KANSL1: variants seen among roughly 807,000 people sequenced by gnomAD.
KANSL1 encodes MLL1/MLL complex subunit KANSL1.
KANSL1 carries 22 observed loss-of-function variants against 103.6 expected under a neutral mutation model. The observed-to-expected ratio is 0.21, with a 90% CI of 0.15 to 0.30. The LOEUF is 0.30. Among genes scored for constraint, KANSL1 ranks in the 10% least tolerant of loss-of-function variants. The probability of loss-of-function intolerance (pLI) is 1.00; values close to 1 mark genes in which losing one functional copy is unlikely to be tolerated. For synonymous variants in KANSL1, 600 were observed against 527.6 expected (o/e 1.14, Z -1.88); for missense variants, 1,337 against 1,399.8 (o/e 0.96, Z 0.72).
chr17:46,053,549 A>T (rs1256745816), intron 6 of KANSL1, among the ~76,000 whole-genome samples: 1 of 151,768 alleles, frequency 6.6e-6, no homozygotes, highest in Non-Finnish European at 1.5e-5. Flanking sequence ...CTCCTGCCTC[A>T]GCCTCTCAAG....
intron 1 of KANSL1, among the ~76,000 whole-genome samples, chr17:46,188,769 G>A (rs1191804249): frequency 6.6e-6 from 1 of 152,014 alleles, no homozygotes; most frequent in African/African-American, 2.4e-5. Context: ...GGTGGCTCAC[G>A]CTTATAATCC....
chr17:46,104,569 C>T (rs1461948959), intron 2 of KANSL1, among the ~76,000 whole-genome samples: 2 of 152,180 alleles, frequency 1.3e-5, no homozygotes, highest in South Asian at 2.1e-4. Flanking sequence ...GATGTCTGTG[C>T]ACATGTAGTT....
intron 6 of KANSL1, among the ~76,000 whole-genome samples, chr17:46,058,889 T>C (rs1466472417): frequency 6.6e-6 from 1 of 150,894 alleles, no homozygotes; most frequent in African/African-American, 2.4e-5. Context: ...CCATCTCTAC[T>C]AAAAACACAA....
At chr17:46,115,426 G>A (rs1375930371) in intron 2 of KANSL1, among the ~76,000 whole-genome samples, 1 of 140,990 alleles carries the variant, frequency 7.1e-6, no homozygotes, top group Non-Finnish European at 1.5e-5. Context: ...CTACAGATGA[G>A]AAAATAGTAT....
intron 6 of KANSL1, among the ~76,000 whole-genome samples, chr17:46,054,878 A>C (rs1322398387): frequency 1.4e-5 from 2 of 143,986 alleles, no homozygotes; most frequent in Non-Finnish European, 3.0e-5. Context: ...TTTGAGATGG[A>C]GTCTCGCTGT....
intron 1 of KANSL1, among the ~76,000 whole-genome samples, chr17:46,183,142 T>C (rs1465281524): frequency 6.6e-6 from 1 of 152,080 alleles, no homozygotes; most frequent in Non-Finnish European, 1.5e-5. Context: ...AAAGAATGAG[T>C]AGGAGCTGGG....
intron 2 of KANSL1, among the ~76,000 whole-genome samples, chr17:46,155,224 C>A (rs1260583327): frequency 7.3e-6 from 1 of 136,212 alleles, no homozygotes; most frequent in Non-Finnish European, 1.5e-5. Context: ...GTGTTGCCAT[C>A]TCGGCTCACA....
intron 7 of KANSL1, among the ~76,000 whole-genome samples, chr17:46,049,099 T>C: frequency 7.0e-6 from 1 of 142,466 alleles, no homozygotes; most frequent in Admixed American, 6.9e-5. Context: ...AGAGAAGACT[T>C]GGTTGATAGG....
At chr17:46,126,682 T>C (rs986494499) in intron 2 of KANSL1, among the ~76,000 whole-genome samples, 1 of 152,218 alleles carries the variant, frequency 6.6e-6, no homozygotes, top group Non-Finnish European at 1.5e-5. Flanking sequence ...TCCAGAACAG[T>C]TTCCTCCAAA....
At chr17:46,060,020 T>TAA (rs55857174) in intron 6 of KANSL1, among the ~76,000 whole-genome samples, 21,873 of 152,128 alleles carry the variant, frequency 0.14, 2,145 homozygotes, top group Non-Finnish European at 0.22. Context: ...AATAAAATAA[T>TAA]GAGATAAAAT....
At chr17:46,094,122 G>A (rs550267555) in intron 3 of KANSL1, 1 of 170,384 alleles carries the variant, frequency 5.9e-6, no homozygotes, top group South Asian at 1.4e-4. Context: ...TTATGAGACA[G>A]GCCTTTCTTA....
chr17:46,074,755 C>A (rs1277095522), intron 4 of KANSL1, among the ~76,000 whole-genome samples: 3 of 145,492 alleles, frequency 2.1e-5, no homozygotes, highest in African/African-American at 7.8e-5. Flanking sequence ...CAAAGTGAGA[C>A]CCTATCTCTA....
At chr17:46,159,167 T>C (rs1219778544) in intron 2 of KANSL1, among the ~76,000 whole-genome samples, 2 of 152,202 alleles carry the variant, frequency 1.3e-5, no homozygotes, top group Admixed American at 1.3e-4. Flanking sequence ...GGCTGCTCAC[T>C]ATACCTCAGC....
chr17:46,213,220 T>C (rs1002156681), intron 1 of KANSL1, among the ~76,000 whole-genome samples: 20 of 152,356 alleles, frequency 1.3e-4, no homozygotes, highest in African/African-American at 4.8e-4. Flanking sequence ...GAAAATACTG[T>C]GTATCTAAAC....
chr17:46,099,877 C>T (rs917942798), intron 2 of KANSL1, among the ~76,000 whole-genome samples: 4 of 152,168 alleles, frequency 2.6e-5, no homozygotes, highest in African/African-American at 9.7e-5. Flanking sequence ...ATGTGCTATA[C>T]AAAAATTCAT....
intron 1 of KANSL1, among the ~76,000 whole-genome samples, chr17:46,174,739 A>G (rs2046440942): frequency 6.6e-6 from 1 of 152,208 alleles, no homozygotes; most frequent in South Asian, 2.1e-4. Flanking sequence ...CAGCGGCACA[A>G]TCATGGCTCA....
intron 4 of KANSL1, among the ~76,000 whole-genome samples, chr17:46,080,311 TTAAAAAAAAAAAAAAAA>T (rs1467018516): frequency 2.6e-5 from 1 of 38,910 alleles, no homozygotes; most frequent in Non-Finnish European, 7.9e-5. Flanking sequence ...AGAGCCTGTC[TTAAAAAAAAAAAAAAAA>T]AAAAAAAAGG....
chr17:46,131,533 C>T (rs116704802), intron 2 of KANSL1, among the ~76,000 whole-genome samples: 1,688 of 152,346 alleles, frequency 0.011, 28 homozygotes, highest in African/African-American at 0.038. Context: ...TGAGTGCCTA[C>T]TGTGAACCTG....
chr17:46,159,594 C>A (rs528373164), intron 2 of KANSL1, among the ~76,000 whole-genome samples: 102 of 152,174 alleles, frequency 6.7e-4, no homozygotes, highest in Non-Finnish European at 1.3e-3. Flanking sequence ...ACTAGATTTA[C>A]CAGCAAGAGT....
Sources: gnomAD v4.1 joint callset for allele counts (sites outside exome capture counted in the v4.1 genomes callset) on GRCh38, gnomAD v4.1.1 for gene constraint, MANE v1.5 for transcripts, NCBI Gene and HGNC (gene_info 2026-07-23, HGNC 2026-07-21) for gene names.